The following OVCH1 variants were observed in gnomAD, a reference collection of about 807,000 sequenced individuals.
OVCH1 encodes the protein ovochymase 1, also known as ovochymase-1.
A neutral mutation model predicts 138.4 loss-of-function variants in OVCH1; 139 were observed. That is an observed-to-expected ratio of 1.00 (90% CI 0.87 to 1.16). OVCH1 has a LOEUF of 1.16. Among genes scored for constraint, OVCH1 ranks in the 50% most tolerant of loss-of-function variants. OVCH1 has a pLI of 0.00. For missense variants in OVCH1, 1,367 were observed against 1,357.9 expected (o/e 1.01, Z -0.11); for synonymous variants, 453 against 467.8 (o/e 0.97, Z 0.41).
At chr12:29,444,791 C>A (rs559751130) in intron 23 of OVCH1, among the ~76,000 whole-genome samples, 1 of 152,108 alleles carries the variant, frequency 6.6e-6, no homozygotes, top group Admixed American at 6.6e-5. Flanking sequence ...TCTGACAACT[C>A]TGAATTACAT....
chr12:29,428,598 A>T (rs1012349042), intron 27 of OVCH1, among the ~76,000 whole-genome samples: 1 of 152,080 alleles, frequency 6.6e-6, no homozygotes, highest in Non-Finnish European at 1.5e-5. Context: ...CCTCCTCCAT[A>T]CCCCAATTGC....
At chr12:29,434,025 A>C (rs1170291397) in intron 26 of OVCH1, among the ~76,000 whole-genome samples, 1 of 151,066 alleles carries the variant, frequency 6.6e-6, no homozygotes, top group Non-Finnish European at 1.5e-5. Context: ...ATGTTTCTCT[A>C]TGATATCCGA....
At chr12:29,438,918 T>C (rs1020187866) in intron 26 of OVCH1, among the ~76,000 whole-genome samples, 3 of 152,312 alleles carry the variant, frequency 2.0e-5, no homozygotes, top group East Asian at 1.9e-4. Flanking sequence ...AGGTCAAGCA[T>C]TGACTTAACC....
At chr12:29,472,505 C>T (rs1321065131) in intron 15 of OVCH1, among the ~76,000 whole-genome samples, 1 of 152,174 alleles carries the variant, frequency 6.6e-6, no homozygotes, top group Admixed American at 6.5e-5. Context: ...ATAGCCCAAG[C>T]ACTAATCTCT....
chr12:29,483,328 G>A (rs1942993379), intron 8 of OVCH1, among the ~76,000 whole-genome samples: 1 of 152,130 alleles, frequency 6.6e-6, no homozygotes, highest in Admixed American at 6.6e-5. Flanking sequence ...AAGCAAAGGT[G>A]GCAAAAGCTT....
At chr12:29,455,896 T>C (rs1295418814) in intron 19 of OVCH1, among the ~76,000 whole-genome samples, 1 of 152,174 alleles carries the variant, frequency 6.6e-6, no homozygotes, top group African/African-American at 2.4e-5. Flanking sequence ...TATGTAGTGT[T>C]TTCCCTATCA....
Position 29,431,000 on chromosome 12 carries a change from T to C in OVCH1, c.3327+2751A>G, listed in dbSNP as rs1941257946. On this transcript the variant is annotated intron_variant, in intron 27 of 27. Transcript: ENST00000318184. Reference sequence around the variant, plus strand: ...CCAAGGCTATGATTGTATTTAATTTTTCCTCTCATGGAATATAGAATAAGA... The same window carrying C: ...CCAAGGCTATGATTGTATTTAATTTCTCCTCTCATGGAATATAGAATAAGA... The C allele has an allele frequency of 6.6e-6, 3 of 451,360 alleles. 1 individual carries two copies. The highest frequency in any genetic ancestry group is 1.3e-5 in the Non-Finnish European group (3 of 226,806). The allele number at this position is 451,360 out of a possible 1,614,324, so 28.0% of individuals were successfully genotyped here.
At chr12:29,482,531 CAT>C (rs1198417302) in intron 8 of OVCH1, among the ~76,000 whole-genome samples, 2 of 152,118 alleles carry the variant, frequency 1.3e-5, no homozygotes, top group Non-Finnish European at 2.9e-5. Context: ...CAAAGGCAAA[CAT>C]TTTTGTGTGT....
At chr12:29,491,161 G>A (rs753770599) in exon 5 of OVCH1, 1 of 1,613,696 alleles carries the variant, frequency 6.2e-7, no homozygotes, top group South Asian at 1.1e-5. Context: ...TATCATCGCT[G>A]TCAGGAAGAC....
chr12:29,463,617 A>G (rs543004011), intron 18 of OVCH1, among the ~76,000 whole-genome samples: 7 of 152,300 alleles, frequency 4.6e-5, no homozygotes, highest in Admixed American at 4.6e-4. Flanking sequence ...CTGATCTTAA[A>G]TCCTCAATTT....
At chr12:29,474,078 C>T (rs1044254721) in intron 14 of OVCH1, among the ~76,000 whole-genome samples, 2 of 134,816 alleles carry the variant, frequency 1.5e-5, no homozygotes, top group African/African-American at 6.7e-5. Context: ...CACACATACA[C>T]ACACACACAC....
At chr12:29,421,964 G>A (rs967921014) in intron 3 of OVCH1, among the ~76,000 whole-genome samples, 1 of 152,000 alleles carries the variant, frequency 6.6e-6, no homozygotes, top group African/African-American at 2.4e-5. Flanking sequence ...TTTCAGATAT[G>A]TATAAAACAT....
exon 14 of OVCH1, chr12:29,475,138 A>T (rs771127208): frequency 1.3e-6 from 2 of 1,561,758 alleles, no homozygotes; most frequent in African/African-American, 2.8e-5. Context: ...TATCACCGTC[A>T]TGTTACTAGA....
At chr12:29,494,441 A>G (rs765089291) in intron 4 of OVCH1, among the ~76,000 whole-genome samples, 16 of 152,178 alleles carry the variant, frequency 1.1e-4, no homozygotes, top group Non-Finnish European at 2.1e-4. Context: ...AATGACAGAA[A>G]GAAGTCTCTG....
At chr12:29,478,333 G>C (rs1942812994) in intron 9 of OVCH1, among the ~76,000 whole-genome samples, 1 of 152,104 alleles carries the variant, frequency 6.6e-6, no homozygotes. Flanking sequence ...AGGTGACAGG[G>C]TTATGAATGG....
intron 8 of OVCH1, among the ~76,000 whole-genome samples, chr12:29,485,744 C>A (rs1257864112): frequency 6.6e-6 from 1 of 151,790 alleles, no homozygotes; most frequent in Non-Finnish European, 1.5e-5. Flanking sequence ...CCACTGCACT[C>A]CAGCCTGGGG....
At chr12:29,403,176 A>C in the OVCH1 span, among the ~76,000 whole-genome samples, 1 of 152,210 alleles carries the variant, frequency 6.6e-6, no homozygotes, top group Non-Finnish European at 1.5e-5. Flanking sequence ...TGTAATTACA[A>C]TTATTAGGCT....
At chr12:29,497,074 C>T (rs1261004180) in intron 1 of OVCH1, among the ~76,000 whole-genome samples, 1 of 152,112 alleles carries the variant, frequency 6.6e-6, no homozygotes, top group East Asian at 1.9e-4. Flanking sequence ...AGGTCAGAAC[C>T]ATGGGCAACA....
At chr12:29,429,583 T>G (rs1301424418) in intron 27 of OVCH1, among the ~76,000 whole-genome samples, 1 of 152,244 alleles carries the variant, frequency 6.6e-6, no homozygotes, top group Non-Finnish European at 1.5e-5. Context: ...ATCATAAATA[T>G]TATATAATCC....
Sources: allele counts gnomAD v4.1 joint callset (sites outside exome capture counted in the v4.1 genomes callset), GRCh38; gene constraint gnomAD v4.1.1; transcripts MANE v1.5; gene names NCBI Gene and HGNC (gene_info 2026-07-23, HGNC 2026-07-21).